TRHDE: variants seen among roughly 807,000 people sequenced by gnomAD.
TRHDE encodes the protein thyrotropin-releasing hormone-degrading ectoenzyme.
Under a neutral mutation model 125.7 loss-of-function variants are expected in TRHDE, and 72 were observed. That is an observed-to-expected ratio of 0.57 (90% CI 0.47 to 0.70). The LOEUF (loss-of-function observed/expected upper bound fraction) is 0.70. TRHDE is among the 30% of genes least tolerant of loss of function. The pLI is 0.00. For synonymous variants in TRHDE, 509 were observed against 509.1 expected, an observed-to-expected ratio of 1.00 and a Z score of 0.00; for missense variants, 1,110 against 1,327.1, an observed-to-expected ratio of 0.84 and a Z score of 2.54.
intron 6 of TRHDE, among the ~76,000 whole-genome samples, chr12:72,500,282 A>G: frequency 6.6e-6 from 1 of 152,184 alleles, no homozygotes; most frequent in South Asian, 2.1e-4. Flanking sequence ...TAACATGATG[A>G]TGTGCCTCTT....
chr12:72,206,331 G>A (rs911067258), intron 2 of TRHDE, among the ~76,000 whole-genome samples: 15 of 152,060 alleles, frequency 9.9e-5, no homozygotes, highest in African/African-American at 2.9e-4. Context: ...GACCTCAGGC[G>A]ATCCGCCTGC....
chr12:72,645,679 A>G (rs1874251849), intron 15 of TRHDE, among the ~76,000 whole-genome samples: 1 of 152,168 alleles, frequency 6.6e-6, no homozygotes, highest in Non-Finnish European at 1.5e-5. Flanking sequence ...TTATAATTAA[A>G]TTGGCAAAAG....
intron 15 of TRHDE, among the ~76,000 whole-genome samples, chr12:72,637,244 G>A (rs565194503): frequency 5.6e-4 from 85 of 152,278 alleles, no homozygotes; most frequent in African/African-American, 1.9e-3. Flanking sequence ...GAGTGTTTGT[G>A]TCGAGGCATT....
At chr12:72,498,467 C>T (rs1003680853) in intron 5 of TRHDE, among the ~76,000 whole-genome samples, 1 of 152,236 alleles carries the variant, frequency 6.6e-6, no homozygotes, top group African/African-American at 2.4e-5. Context: ...TTAGCTAGAG[C>T]AATTTAAGCG....
intron 7 of TRHDE, among the ~76,000 whole-genome samples, chr12:72,546,999 C>T (rs1869449548): frequency 1.3e-5 from 2 of 151,658 alleles, no homozygotes; most frequent in African/African-American, 4.8e-5. Flanking sequence ...GCAAAGGATT[C>T]TTGGAAATGT....
intron 2 of TRHDE, among the ~76,000 whole-genome samples, chr12:72,224,472 T>C (rs1878083588): frequency 1.3e-5 from 2 of 152,142 alleles, no homozygotes. Context: ...TATCACTAAC[T>C]GGACTTTCGT....
At chr12:72,641,646 G>A (rs56757058) in intron 15 of TRHDE, among the ~76,000 whole-genome samples, 2,089 of 152,178 alleles carry the variant, frequency 0.014, 50 homozygotes, top group African/African-American at 0.048. Flanking sequence ...ACTTAAACCA[G>A]TGCCTTATTG....
intron 2 of TRHDE, among the ~76,000 whole-genome samples, chr12:72,314,557 G>A (rs962282864): frequency 7.9e-5 from 12 of 152,038 alleles, no homozygotes; most frequent in African/African-American, 2.7e-4. Flanking sequence ...AATTGCTACT[G>A]TTTCAAACCA....
At chr12:72,632,287 C>T (rs2136087583) in intron 15 of TRHDE, among the ~76,000 whole-genome samples, 1 of 151,994 alleles carries the variant, frequency 6.6e-6, no homozygotes, top group South Asian at 2.1e-4. Flanking sequence ...TATAGTTAGG[C>T]TTTATATGAT....
chr12:72,152,943 A>G (rs1407393618), intron 2 of TRHDE, among the ~76,000 whole-genome samples: 1 of 152,018 alleles, frequency 6.6e-6, no homozygotes, highest in Non-Finnish European at 1.5e-5. Context: ...CTCTTTTTCT[A>G]TTGATTGGAA....
chr12:72,225,030 G>A (rs1381597776), intron 2 of TRHDE, among the ~76,000 whole-genome samples: 1 of 152,078 alleles, frequency 6.6e-6, no homozygotes, highest in African/African-American at 2.4e-5. Context: ...CATTTGCATT[G>A]ATCTTAAGTA....
intron 2 of TRHDE, among the ~76,000 whole-genome samples, chr12:72,226,934 A>G (rs1295543604): frequency 6.6e-6 from 1 of 152,182 alleles, no homozygotes; most frequent in African/African-American, 2.4e-5. Flanking sequence ...AAAAATGAAT[A>G]TGTGGAACAC....
intron 12 of TRHDE, among the ~76,000 whole-genome samples, chr12:72,609,714 T>C (rs1443149621): frequency 6.6e-6 from 1 of 152,198 alleles, no homozygotes; most frequent in Non-Finnish European, 1.5e-5. Flanking sequence ...CAGTTCTTTT[T>C]AAGTTGTTTG....
At chr12:72,372,571 G>A (rs932261356) in intron 2 of TRHDE, among the ~76,000 whole-genome samples, 5 of 152,144 alleles carry the variant, frequency 3.3e-5, no homozygotes, top group African/African-American at 9.7e-5. Flanking sequence ...TTTGTATAAG[G>A]TGTAAGGAAG....
At chr12:72,458,740 T>C (rs1481831397) in intron 3 of TRHDE, among the ~76,000 whole-genome samples, 2 of 152,148 alleles carry the variant, frequency 1.3e-5, no homozygotes, top group African/African-American at 4.8e-5. Flanking sequence ...GTGTTGTCTC[T>C]TCTTTGCCTA....
At chr12:72,556,135 G>A (rs572274797) in intron 7 of TRHDE, among the ~76,000 whole-genome samples, 20 of 152,244 alleles carry the variant, frequency 1.3e-4, no homozygotes, top group African/African-American at 4.3e-4. Flanking sequence ...AAGCCTAACT[G>A]ATGTACTAAA....
intron 1 of TRHDE, among the ~76,000 whole-genome samples, chr12:72,098,923 T>C (rs1385008589): frequency 6.6e-6 from 1 of 152,188 alleles, no homozygotes; most frequent in Non-Finnish European, 1.5e-5. Context: ...TCTAGCACTT[T>C]GGGAGGCTGG....
At chr12:72,104,067 T>C (rs552132373) in intron 1 of TRHDE, among the ~76,000 whole-genome samples, 1 of 152,282 alleles carries the variant, frequency 6.6e-6, no homozygotes, top group East Asian at 1.9e-4. Context: ...AGCTCAGAGA[T>C]GCAGATACTA....
At chr12:72,359,725 C>A (rs1327666540) in intron 2 of TRHDE, among the ~76,000 whole-genome samples, 1 of 151,578 alleles carries the variant, frequency 6.6e-6, no homozygotes, top group African/African-American at 2.4e-5. Flanking sequence ...AGTTGACATG[C>A]AAATACAGTG....
Sources: gnomAD v4.1 joint callset for allele counts (sites outside exome capture counted in the v4.1 genomes callset) on GRCh38, gnomAD v4.1.1 for gene constraint, MANE v1.5 for transcripts, NCBI Gene and HGNC (gene_info 2026-07-23, HGNC 2026-07-21) for gene names.